Variants in CBFA2T3 observed in about 807,000 individuals in gnomAD.
CBFA2T3 encodes the protein transcriptional corepressor CBFA2T3.
Under a neutral mutation model 58.6 loss-of-function variants are expected in CBFA2T3, and 31 were observed. The ratio of observed to expected loss-of-function variants is 0.53; its 90% confidence interval spans 0.40 to 0.71. The LOEUF is 0.71. Ranked by LOEUF, CBFA2T3 falls within the 30% of genes least tolerant of loss-of-function variation. CBFA2T3 has a pLI of 0.00. For missense variants in CBFA2T3, 1,076 were observed against 963.1 expected (o/e 1.12, Z -1.55); for synonymous variants, 531 against 421.9 (o/e 1.26, Z -3.17).
intron 1 of CBFA2T3, among the ~76,000 whole-genome samples, chr16:88,929,534 C>T (rs571889967): frequency 6.6e-6 from 1 of 152,370 alleles, no homozygotes; most frequent in East Asian, 1.9e-4. Flanking sequence ...CAAAAGCTAC[C>T]GATACCCACA....
At chr16:88,945,005 T>C (rs1456168684) in intron 1 of CBFA2T3, among the ~76,000 whole-genome samples, 1 of 152,216 alleles carries the variant, frequency 6.6e-6, no homozygotes, top group Admixed American at 6.5e-5. Flanking sequence ...GTTGCTGACC[T>C]TCAGAAAATA....
chr16:88,975,141 A>G (rs1972782244), intron 1 of CBFA2T3, among the ~76,000 whole-genome samples: 3 of 141,874 alleles, frequency 2.1e-5, no homozygotes, highest in Admixed American at 1.4e-4. Context: ...CCTGACCTGC[A>G]GCCATGTCAG....
At chr16:88,893,467 C>G (rs1969734712) in intron 3 of CBFA2T3, among the ~76,000 whole-genome samples, 1 of 152,224 alleles carries the variant, frequency 6.6e-6, no homozygotes, top group South Asian at 2.1e-4. Flanking sequence ...CAGCCATGAG[C>G]AATGCCTTCA....
At chr16:88,908,431 A>G (rs1970411171) in intron 1 of CBFA2T3, among the ~76,000 whole-genome samples, 1 of 152,060 alleles carries the variant, frequency 6.6e-6, no homozygotes, top group South Asian at 2.1e-4. Flanking sequence ...TCTTTCCCAG[A>G]CGGCACATCC....
At chr16:88,920,223 A>G (rs73254272) in intron 1 of CBFA2T3, among the ~76,000 whole-genome samples, 1 of 152,190 alleles carries the variant, frequency 6.6e-6, no homozygotes, top group Non-Finnish European at 1.5e-5. Flanking sequence ...TGGAGCCCCA[A>G]CTGGCTGCCA....
At chr16:88,940,396 C>G (rs963702899) in intron 1 of CBFA2T3, 1 of 153,092 alleles carries the variant, frequency 6.5e-6, no homozygotes, top group African/African-American at 2.4e-5. Flanking sequence ...GAGGCTCACA[C>G]CTCCCTCCCC....
At chr16:88,940,980 G>A (rs1290504184) in intron 1 of CBFA2T3, 15 of 933,842 alleles carry the variant, frequency 1.6e-5, no homozygotes, top group Non-Finnish European at 1.8e-5. Flanking sequence ...CGGAGTCGGG[G>A]TAGAGCGGCG....
At chr16:88,901,720 GC>G in intron 1 of CBFA2T3, 64 bp from the exon 2 acceptor site, 1 of 1,426,886 alleles carries the variant, frequency 7.0e-7, no homozygotes, top group Non-Finnish European at 9.2e-7. Flanking sequence ...AGGGCCCGCA[GC>G]CCCACGGTTC....
Position 88,976,708 on chromosome 16 carries a change from G to T in CBFA2T3, c.100C>A (p.Leu34Met). ...QTHPVLESGL[L>M]ASAGCSAPRG... ...GGTGCGGAGCAGCCGGCAGATGCCA[G>T]GAGGCCGCTCTCCAGCACAGGGTGC... is the stretch of plus-strand genomic sequence containing the variant. The change falls in exon 1 of 12, where the codon CTG (leucine) becomes ATG (methionine). Residue 34 changes from leucine (L) to methionine (M), a missense_variant. Leu to Met is a conservative substitution (Grantham distance 15). Coordinates refer to ENST00000268679, the MANE Select transcript of CBFA2T3 (RefSeq NM_005187.6). The T allele has an allele frequency of 6.4e-7, 1 of 1,559,926 alleles. No individual in the cohort carries two copies. The highest frequency in any genetic ancestry group is 2.4e-5 in the East Asian group (1 of 41,826).
rs1482991343 is a variant in CBFA2T3, at chr16:88,892,595, G to A, written c.380-110C>T. The A allele has an allele frequency of 1.3e-5, 17 of 1,260,698 alleles. 1 individual carries two copies. Among genetic ancestry groups the A allele is most frequent in the South Asian group, 8.4e-5 (7 of 83,100 alleles). The allele number at this position is 1,260,698 out of a possible 1,614,324, so 78.1% of individuals were successfully genotyped here. A position where few individuals can be genotyped will look rare whatever the true frequency, so the allele number is the denominator to read the frequency against. On this transcript the variant is annotated intron_variant, in intron 3 of 11. Transcript: ENST00000268679. ...CTAAGGTGACAATGTCAAAAGTGAC[G>A]GCAACAATGATGAGACACAAGGACA... is the stretch of plus-strand genomic sequence containing the variant.
intron 1 of CBFA2T3, among the ~76,000 whole-genome samples, chr16:88,912,538 T>C (rs1242752279): frequency 5.9e-5 from 9 of 152,186 alleles, no homozygotes; most frequent in East Asian, 1.9e-4. Context: ...TGACCGCCCA[T>C]GTCCCTGCCC....
chr16:88,926,207 C>T (rs1261306696), intron 1 of CBFA2T3, among the ~76,000 whole-genome samples: 7 of 152,200 alleles, frequency 4.6e-5, no homozygotes, highest in African/African-American at 1.4e-4. Context: ...TGGGGCCGGG[C>T]TGCCGCCTCC....
At chr16:88,919,988 A>G (rs1567608429) in intron 1 of CBFA2T3, among the ~76,000 whole-genome samples, 1 of 152,258 alleles carries the variant, frequency 6.6e-6, no homozygotes, top group African/African-American at 2.4e-5. Flanking sequence ...CAAGTGCTCA[A>G]TTAGTGCCAG....
rs1030356944 is a variant in CBFA2T3, at chr16:88,958,856, G to A, written c.151+17801C>T. 6.6e-6 allele frequency among the ~76,000 whole-genome samples: 1 copy of A among 152,158 alleles called. No homozygotes were observed. Among genetic ancestry groups the A allele is most frequent in the Non-Finnish European group, 1.5e-5 (1 of 68,002 alleles). On this transcript the variant is annotated intron_variant, in intron 1 of 11. Coordinates refer to ENST00000268679, the MANE Select transcript of CBFA2T3 (RefSeq NM_005187.6). The surrounding 1 kb of genome is among the most constrained non-coding windows in gnomAD (Gnocchi z 4.0). Reference sequence around the variant, plus strand: ...CTCACACCACAGGCCTGGCTCCCTAGGGGTATGGTCAGAGTGGGACCCTGT... The same window carrying A: ...CTCACACCACAGGCCTGGCTCCCTAAGGGTATGGTCAGAGTGGGACCCTGT...
intron 3 of CBFA2T3, 134 bp downstream of exon 3, chr16:88,897,944 C>T (rs1387698696): frequency 2.8e-6 from 2 of 708,410 alleles, no homozygotes; most frequent in Non-Finnish European, 2.5e-6. Flanking sequence ...AAGACCAACA[C>T]AACAGAGGCA....
At position 88,874,892 on chromosome 16, in the gene CBFA2T3, T is replaced by C. The variant is rs1237126081; in HGVS notation, c.*2084A>G. ...TGTTTTTTATTTGGCAAACATCTCGTTTATTACCATCATGAATATCATTTG... is the reference window on the plus strand; with the variant it reads ...TGTTTTTTATTTGGCAAACATCTCGCTTATTACCATCATGAATATCATTTG... On this transcript the variant is annotated 3_prime_UTR_variant, in exon 12 of 12. Coordinates refer to ENST00000268679, the MANE Select transcript of CBFA2T3 (RefSeq NM_005187.6). The C allele has an allele frequency of 8.6e-6, 2 of 231,220 alleles. No homozygotes were observed. The highest frequency in any genetic ancestry group is 2.2e-5 in the African/African-American group (1 of 45,174). 14.3% of individuals were successfully genotyped at this position (231,220 alleles called of 1,614,324 possible).
chr16:88,975,540 G>A (rs1208423234), intron 1 of CBFA2T3, among the ~76,000 whole-genome samples: 1 of 152,270 alleles, frequency 6.6e-6, no homozygotes, highest in Admixed American at 6.5e-5. Flanking sequence ...GGATAGACAG[G>A]GCCGCTCCAG....
chr16:88,925,331 G>T (rs1971052414), intron 1 of CBFA2T3, among the ~76,000 whole-genome samples: 1 of 152,236 alleles, frequency 6.6e-6, no homozygotes, highest in African/African-American at 2.4e-5. Flanking sequence ...GCTCCCTCCT[G>T]AGCGGTGCCT....
At chr16:88,894,861 T>C (rs1969824160) in intron 3 of CBFA2T3, among the ~76,000 whole-genome samples, 1 of 152,242 alleles carries the variant, frequency 6.6e-6, no homozygotes, top group Admixed American at 6.5e-5. Flanking sequence ...AAACCCTTTC[T>C]ACAGGATGGA....
Sources: allele counts gnomAD v4.1 joint callset (sites outside exome capture counted in the v4.1 genomes callset), GRCh38; gene constraint gnomAD v4.1.1; non-coding constraint Gnocchi (gnomAD v3.1); transcripts MANE v1.5; gene names NCBI Gene and HGNC (gene_info 2026-07-23, HGNC 2026-07-21).